Variants in TGS1 observed in about 807,000 individuals in gnomAD.
TGS1 encodes trimethylguanosine synthase 1, also known as trimethylguanosine synthase.
Under a neutral mutation model 92.2 loss-of-function variants are expected in TGS1, and 69 were observed. That is an observed-to-expected ratio of 0.75 (90% CI 0.62 to 0.91). The LOEUF is 0.91. Among genes scored for constraint, TGS1 ranks in the 40% least tolerant of loss-of-function variants. The pLI is 0.00. For missense variants in TGS1, 1,062 were observed against 1,001.2 expected, an observed-to-expected ratio of 1.06 and a Z score of -0.82; for synonymous variants, 345 against 338.1, an observed-to-expected ratio of 1.02 and a Z score of -0.22.
Position 55,813,153 on chromosome 8 carries a change from G to A in TGS1, c.2439+35G>A, listed in dbSNP as rs201792128. The stretch of plus-strand genomic sequence containing the variant: ...TACTGAAAAACTTCCATGAGTGTCT[G>A]TCTTAACTGTTACAAGTACGGTAAA... On this transcript the variant is annotated intron_variant, in intron 12 of 12. Transcript: ENST00000260129. The A allele has an allele frequency of 5.8e-4, 817 of 1,418,052 alleles. 6 individuals carry two copies. The highest frequency in any genetic ancestry group is 7.0e-4 in the Non-Finnish European group (709 of 1,006,724). The allele number at this position is 1,418,052 out of a possible 1,614,324, so 87.8% of individuals were successfully genotyped here.
intron 11 of TGS1, among the ~76,000 whole-genome samples, chr8:55,811,694 G>A (rs1397551844): frequency 1.3e-5 from 2 of 152,102 alleles, no homozygotes; most frequent in Admixed American, 6.6e-5. Context: ...CAGGGAGGCC[G>A]AGGTTGCAGT....
chr8:55,782,404 T>C (rs1232060261), intron 1 of TGS1, among the ~76,000 whole-genome samples: 1 of 152,158 alleles, frequency 6.6e-6, no homozygotes, highest in East Asian at 1.9e-4. Context: ...GGTCTCAAAC[T>C]CCTGACCTCA....
At position 55,792,751 on chromosome 8, in the gene TGS1, C is replaced by A; in HGVS notation, c.1334C>A (p.Ser445Tyr). 6.2e-7 allele frequency: 1 copy of A among 1,613,716 alleles called. No homozygotes were observed. The highest frequency in any genetic ancestry group is 8.5e-7 in the Non-Finnish European group (1 of 1,179,734). Residue 445 changes from serine (S) to tyrosine (Y), a missense_variant, in exon 6 of 13, where the codon TCC (serine) becomes TAC (tyrosine). Ser to Tyr is a moderately radical substitution (Grantham distance 144, BLOSUM62 -2). Transcript: ENST00000260129. ...GCTTCAGACTTTGATGACAGTGGTT[C>A]CCTTCTAGGATTCAAGTATGGCTCA... ...NPASDFDDSG[S>Y]LLGFKYGSGQ... is the part of the protein sequence containing the mutation.
chr8:55,789,448 A>G (rs772448562), intron 4 of TGS1, among the ~76,000 whole-genome samples: 6 of 152,216 alleles, frequency 3.9e-5, no homozygotes, highest in Non-Finnish European at 7.3e-5. Context: ...AAATTCCATA[A>G]GAATGTGACT....
intron 10 of TGS1, among the ~76,000 whole-genome samples, chr8:55,805,773 A>G (rs1812348303): frequency 6.6e-6 from 1 of 151,626 alleles, no homozygotes; most frequent in African/African-American, 2.4e-5. Flanking sequence ...AATCCCAGCT[A>G]CAGGAGGCTG....
chr8:55,822,155 C>T (rs13253556), intron 12 of TGS1, among the ~76,000 whole-genome samples: 6 of 151,438 alleles, frequency 4.0e-5, no homozygotes, highest in East Asian at 2.0e-4. Flanking sequence ...CTGCAAGCTC[C>T]GCCTCCTGAA....
At position 55,786,079 on chromosome 8, in the gene TGS1, T is replaced by C. The variant is rs536763899; in HGVS notation, c.340-159T>C. Reference sequence around the variant, plus strand: ...GTCCCAAGTGTGACTGTTCCTCCTCTTGGAAACTTAGATAGTATATCACTT... The same window carrying C: ...GTCCCAAGTGTGACTGTTCCTCCTCCTGGAAACTTAGATAGTATATCACTT... On this transcript the variant is annotated intron_variant, in intron 3 of 12. Transcript: ENST00000260129. Among the ~76,000 whole-genome samples, 3 of 152,330 alleles carry C rather than the reference T, an allele frequency of 2.0e-5. No individual in the cohort carries two copies. The East Asian group carries it at 5.8e-4, about 29-fold the overall frequency.
chr8:55,817,110 G>T (rs1168981539), intron 12 of TGS1, among the ~76,000 whole-genome samples: 1 of 152,122 alleles, frequency 6.6e-6, no homozygotes, highest in African/African-American at 2.4e-5. Flanking sequence ...TGATCTGCCC[G>T]CCTTGGCCTC....
intron 11 of TGS1, 87 bp downstream of exon 11, chr8:55,811,184 T>TGGGGGGGGGGG: frequency 1.6e-5 from 2 of 123,348 alleles, no homozygotes; most frequent in Non-Finnish European, 3.1e-5. Flanking sequence ...TGTGGGTGGG[T>TGGGGGGGGGGG]GGGCAGGGTG....
intron 9 of TGS1, among the ~76,000 whole-genome samples, chr8:55,803,093 G>A (rs962225102): frequency 2.6e-5 from 4 of 151,678 alleles, no homozygotes; most frequent in Non-Finnish European, 5.9e-5. Flanking sequence ...AAGGATCAAT[G>A]GCCATTTATT....
rs1482746851 is a variant in TGS1, at chr8:55,824,618, TAGAAC to T, written c.2483_2487del (p.Gln828LeufsTer3). 3 of 1,614,240 alleles carry T rather than the reference TAGAAC, an allele frequency of 1.9e-6. No individual in the cohort carries two copies. Among genetic ancestry groups the T allele is most frequent in the Non-Finnish European group, 2.5e-6 (3 of 1,180,046 alleles). Reference sequence around the variant, plus strand: ...GCTGGGCCTGGAGGGCAAGTGGAAATAGAACAGAACTTCCTTAACAACAAATTGAA... The same window carrying T: ...GCTGGGCCTGGAGGGCAAGTGGAAATAGAACTTCCTTAACAACAAATTGAA... On this transcript the variant is annotated frameshift_variant, in exon 13 of 13. Transcript: ENST00000260129. LOFTEE classifies it high-confidence loss of function.
At chr8:55,822,064 T>TTTTC (rs1234748575) in intron 12 of TGS1, among the ~76,000 whole-genome samples, 3 of 151,344 alleles carry the variant, frequency 2.0e-5, no homozygotes, top group Middle Eastern at 3.4e-3. Context: ...ATTGGCTTTT[T>TTTTC]TTTCTTTCTT....
intron 12 of TGS1, among the ~76,000 whole-genome samples, chr8:55,816,068 C>T (rs1803468537): frequency 1.3e-5 from 2 of 152,072 alleles, no homozygotes; most frequent in African/African-American, 4.8e-5. Flanking sequence ...ATCCTCCTGC[C>T]TCAGCCTTCT....
At chr8:55,800,014 C>T (rs149546315) in intron 8 of TGS1, among the ~76,000 whole-genome samples, 39 of 152,258 alleles carry the variant, frequency 2.6e-4, no homozygotes, top group African/African-American at 9.4e-4. Flanking sequence ...TCAATTTATG[C>T]ACTTTTGTAT....
intron 6 of TGS1, 21 bp downstream of exon 6, chr8:55,792,805 T>C (rs761466787): frequency 6.4e-7 from 1 of 1,571,624 alleles, no homozygotes; most frequent in Admixed American, 1.7e-5. Flanking sequence ...ATAAAAGCTA[T>C]TGTTTTCCAG....
intron 5 of TGS1, 116 bp from the exon 6 acceptor site, chr8:55,792,582 T>C (rs1486020178): frequency 4.7e-6 from 3 of 640,078 alleles, no homozygotes; most frequent in Non-Finnish European, 8.3e-6. Context: ...TGAACTATGG[T>C]TGACTATGGT....
intron 12 of TGS1, among the ~76,000 whole-genome samples, chr8:55,816,190 A>G (rs907753383): frequency 2.0e-5 from 3 of 152,164 alleles, no homozygotes; most frequent in Non-Finnish European, 4.4e-5. Context: ...GGACAGCCAG[A>G]GAATTCCAGC....
chr8:55,785,624 CG>C, intron 2 of TGS1, 94 bp from the exon 3 acceptor site: 1 of 850,010 alleles, frequency 1.2e-6, no homozygotes, highest in Non-Finnish European at 1.7e-6. Context: ...TTATTTTGGG[CG>C]GGTCACTCTG....
At chr8:55,805,173 A>AGCATAT (rs763558820) in intron 10 of TGS1, 137 bp downstream of exon 10, 169 of 601,834 alleles carry the variant, frequency 2.8e-4, no homozygotes, top group Non-Finnish European at 3.9e-4. Context: ...AATAATAGCT[A>AGCATAT]GCATATATTA....
Sources: gnomAD v4.1 joint callset for allele counts (sites outside exome capture counted in the v4.1 genomes callset) on GRCh38, gnomAD v4.1.1 for gene constraint, MANE v1.5 for transcripts, NCBI Gene and HGNC (gene_info 2026-07-23, HGNC 2026-07-21) for gene names.